Variants in CLIC5 observed in about 807,000 individuals in gnomAD.
The protein encoded by CLIC5 is chloride intracellular channel protein 5.
A neutral mutation model predicts 24.7 loss-of-function variants in CLIC5; 20 were observed. That is an observed-to-expected ratio of 0.81 (90% CI 0.57 to 1.18). The LOEUF (loss-of-function observed/expected upper bound fraction) is 1.18. Among genes scored for constraint, CLIC5 ranks in the 50% most tolerant of loss-of-function variants. The pLI is 0.00. For missense variants in CLIC5, 341 were observed against 326.1 expected, an observed-to-expected ratio of 1.05 and a Z score of -0.35; for synonymous variants, 159 against 135.6, an observed-to-expected ratio of 1.17 and a Z score of -1.20.
intron 1 of CLIC5, among the ~76,000 whole-genome samples, chr6:45,982,697 G>T (rs539474903): frequency 2.6e-5 from 4 of 152,140 alleles, no homozygotes; most frequent in Non-Finnish European, 5.9e-5. Context: ...TGGCTGAAAC[G>T]TTATTATGTG....
chr6:45,968,106 C>T (rs185944501), intron 1 of CLIC5, among the ~76,000 whole-genome samples: 68 of 152,288 alleles, frequency 4.5e-4, no homozygotes, highest in Admixed American at 7.8e-4. Flanking sequence ...AGGACCCCAG[C>T]CTAGTCACAG....
Position 46,065,338 on chromosome 6 carries a change from T to C in CLIC5, c.540+14365A>G, listed in dbSNP as rs530461008. On this transcript the variant is annotated intron_variant, in intron 1 of 5. Transcript: ENST00000185206. The stretch of plus-strand genomic sequence containing the variant: ...ATTTTGACAGCCACTTTGAAAACAA[T>C]TTTCAAGGTTTTTTTTTTTTTTTAA... Among the ~76,000 whole-genome samples, 884 of 135,884 alleles carry C rather than the reference T, an allele frequency of 6.5e-3. 8 individuals are homozygous for C. The highest frequency in any genetic ancestry group is 0.023 in the African/African-American group (853 of 37,546). The allele number at this position is 135,884 out of a possible 152,430, so 89.1% of individuals were successfully genotyped here. A position where few individuals can be genotyped will look rare whatever the true frequency, so the allele number is the denominator to read the frequency against.
intron 1 of CLIC5, among the ~76,000 whole-genome samples, chr6:45,990,181 A>G (rs1229577973): frequency 3.3e-5 from 5 of 152,206 alleles, no homozygotes; most frequent in Non-Finnish European, 4.4e-5. Context: ...TACAAATGAA[A>G]GGTATTGTTA....
chr6:46,050,232 A>G (rs1481106329), intron 1 of CLIC5, among the ~76,000 whole-genome samples: 2 of 152,226 alleles, frequency 1.3e-5, no homozygotes, highest in Non-Finnish European at 2.9e-5. Flanking sequence ...AGTTGAAAGT[A>G]ACTGTACCTG....
intron 1 of CLIC5, among the ~76,000 whole-genome samples, chr6:46,006,174 T>G (rs1315996842): frequency 7.5e-6 from 1 of 132,504 alleles, no homozygotes; most frequent in African/African-American, 2.8e-5. Context: ...AGATGGAATC[T>G]TGCCCTATCG....
chr6:46,079,112 A>G (rs1262358369), intron 1 of CLIC5, among the ~76,000 whole-genome samples: 4 of 152,240 alleles, frequency 2.6e-5, no homozygotes, highest in Non-Finnish European at 5.9e-5. Context: ...TTACTTTATC[A>G]TCTAATACAA....
chr6:46,036,476 A>T (rs915235894), intron 1 of CLIC5, among the ~76,000 whole-genome samples: 2 of 151,696 alleles, frequency 1.3e-5, no homozygotes, highest in Non-Finnish European at 2.9e-5. Flanking sequence ...ACGCCCAGCT[A>T]ATTTTTTGTA....
intron 6 of CLIC5, among the ~76,000 whole-genome samples, chr6:45,888,371 A>T (rs1416524889): frequency 1.3e-5 from 2 of 152,202 alleles, no homozygotes; most frequent in Admixed American, 6.5e-5. Context: ...GGTAACTATT[A>T]TTTCTAGTGT....
rs745951506 is a variant in CLIC5 at position 45,949,333 on chromosome 6, G to C, written c.222C>G (p.Phe74Leu). ...TCTTCACGTCCCCGTTGAAGGTCAG[G>C]AAGGGCGGGTGCGTGCCGGGGGCTA... ...HNLAPGTHPP[F>L]LTFNGDVKTD... is the part of the protein sequence containing the mutation. Residue 74 changes from phenylalanine to leucine, a missense_variant, in exon 3 of 6, where the codon TTC becomes TTG. By Grantham distance (22) the Phe-to-Leu change is conservative. Coordinates refer to ENST00000339561, the MANE Select transcript of CLIC5 (RefSeq NM_016929.5). 7 of 1,614,078 alleles carry C rather than the reference G, an allele frequency of 4.3e-6. No individual in the cohort carries two copies. In the South Asian group the frequency reaches 7.7e-5, roughly 18 times the overall value.
At chr6:45,994,558 T>C (rs1013425496) in intron 1 of CLIC5, among the ~76,000 whole-genome samples, 1 of 152,228 alleles carries the variant, frequency 6.6e-6, no homozygotes, top group Non-Finnish European at 1.5e-5. Flanking sequence ...CCATGGCACA[T>C]GTATACCTAT....
intron 1 of CLIC5, among the ~76,000 whole-genome samples, chr6:46,006,495 G>A (rs1459546466): frequency 6.6e-6 from 1 of 151,678 alleles, no homozygotes; most frequent in Non-Finnish European, 1.5e-5. Flanking sequence ...ACCCTCTTCA[G>A]CACAGCCAAG....
At chr6:46,016,533 A>C (rs1189306581), upstream of CLIC5, among the ~76,000 whole-genome samples, 1 of 151,274 alleles carries the variant, frequency 6.6e-6, no homozygotes, top group African/African-American at 2.4e-5. Flanking sequence ...CCCTTCTTTC[A>C]TTTTCTTTCT....
At chr6:45,995,610 G>A (rs1766105826) in intron 1 of CLIC5, among the ~76,000 whole-genome samples, 1 of 152,070 alleles carries the variant, frequency 6.6e-6, no homozygotes, top group African/African-American at 2.4e-5. Context: ...ATAAATCTTT[G>A]GTGCTAAATA....
At chr6:45,918,896 C>T (rs983945727) in intron 4 of CLIC5, 15 of 943,366 alleles carry the variant, frequency 1.6e-5, no homozygotes, top group African/African-American at 1.2e-4. Flanking sequence ...TATTATTCAT[C>T]GTCATTCAAC....
At chr6:45,926,146 A>C (rs1763473893) in intron 4 of CLIC5, among the ~76,000 whole-genome samples, 1 of 151,978 alleles carries the variant, frequency 6.6e-6, no homozygotes, top group Non-Finnish European at 1.5e-5. Context: ...CTGGAAGGGA[A>C]GAGGTTCTAG....
chr6:46,100,655 T>C, the CLIC5 span, among the ~76,000 whole-genome samples: 1 of 152,196 alleles, frequency 6.6e-6, no homozygotes, highest in Admixed American at 6.5e-5. Flanking sequence ...ACCTTTTATT[T>C]TAAATTATAT....
At chr6:46,081,297 A>G (rs138211044), upstream of CLIC5, among the ~76,000 whole-genome samples, 1 of 152,204 alleles carries the variant, frequency 6.6e-6, no homozygotes, top group Non-Finnish European at 1.5e-5. Context: ...CACACCACAT[A>G]CATCTTTCTC....
At chr6:45,977,358 T>C (rs1166781650) in intron 1 of CLIC5, among the ~76,000 whole-genome samples, 1 of 152,226 alleles carries the variant, frequency 6.6e-6, no homozygotes, top group Non-Finnish European at 1.5e-5. Flanking sequence ...CAAAATGGTA[T>C]GTGGCTTTTT....
intron 4 of CLIC5, among the ~76,000 whole-genome samples, chr6:45,925,317 C>CTT (rs10691767): frequency 0.018 from 2,489 of 136,250 alleles, 38 homozygotes; most frequent in Admixed American, 0.03. Context: ...CATTATTCCG[C>CTT]TTTTTTTTTT....
Sources: allele counts gnomAD v4.1 joint callset (sites outside exome capture counted in the v4.1 genomes callset), GRCh38; gene constraint gnomAD v4.1.1; transcripts MANE v1.5; gene names NCBI Gene and HGNC (gene_info 2026-07-23, HGNC 2026-07-21).